The following FBN2 variants were observed in gnomAD, a reference collection of about 807,000 sequenced individuals.
FBN2 encodes fibrillin-2.
A neutral mutation model predicts 355.6 loss-of-function variants in FBN2; 105 were observed. The ratio of observed to expected loss-of-function variants is 0.30; its 90% CI spans 0.25 to 0.35. The LOEUF (loss-of-function observed/expected upper bound fraction) is 0.35, where lower values mean the gene tolerates loss of function less well. Ranked by LOEUF, FBN2 falls within the 10% of genes least tolerant of loss-of-function variation. The pLI is 1.00. For synonymous variants in FBN2, 1,350 were observed against 1,301.2 expected, an observed-to-expected ratio of 1.04 and a Z score of -0.81; for missense variants, 3,280 against 3,758.7, an observed-to-expected ratio of 0.87 and a Z score of 3.33.
At chr5:128,331,545 T>G (rs577646978) in intron 32 of FBN2, among the ~76,000 whole-genome samples, 2 of 152,298 alleles carry the variant, frequency 1.3e-5, no homozygotes, top group African/African-American at 4.8e-5. Context: ...CAATGGGTTA[T>G]AGTGAAGACT....
Position 128,312,212 on chromosome 5 carries a change from A to G in FBN2, c.4880-259T>C, listed in dbSNP as rs536637028. ...AAATTCCCTTGCAGCTCTTTTAGCT[A>G]GTAAATTAAGACTAGAGAAAACAGG... On this transcript the variant is annotated intron_variant, in intron 37 of 64. Coordinates refer to ENST00000262464, the MANE Select transcript of FBN2 (RefSeq NM_001999.4). Among the ~76,000 whole-genome samples, 3 of 152,334 alleles carry G rather than the reference A, an allele frequency of 2.0e-5. No homozygotes were observed. The East Asian group carries it at 5.8e-4, about 29-fold the overall frequency.
At chr5:128,426,453 T>G (rs1753485655) in intron 7 of FBN2, among the ~76,000 whole-genome samples, 1 of 152,160 alleles carries the variant, frequency 6.6e-6, no homozygotes, top group African/African-American at 2.4e-5. Flanking sequence ...ACTGAGAGAA[T>G]ATATGGTAAA....
rs565951202 is a variant in FBN2, at chr5:128,500,520, G to A, written c.628+18753C>T. ...TGCTGTGGCGCGATCTCGGCCCACT[G>A]CAAGCTCCGCCTCCCGGGTTCACGC... is the stretch of plus-strand genomic sequence containing the variant. On this transcript the variant is annotated intron_variant, in intron 5 of 64. Transcript: ENST00000262464. Among the ~76,000 whole-genome samples, 9 of 135,160 alleles carry A rather than the reference G, an allele frequency of 6.7e-5. No individual in the cohort carries two copies. In the South Asian group the frequency reaches 7.1e-4, roughly 11 times the overall value. The allele number at this position is 135,160 out of a possible 152,430, so 88.7% of individuals were successfully genotyped here.
At position 128,515,135 on chromosome 5, in the gene FBN2, G is replaced by C. The variant is rs181580583; in HGVS notation, c.628+4138C>G. Among the ~76,000 whole-genome samples the C allele has an allele frequency of 2.0e-5, 3 of 152,200 alleles. No individual in the cohort carries two copies. The East Asian group carries it at 5.8e-4, about 29-fold the overall frequency. On this transcript the variant is annotated intron_variant, in intron 5 of 64. Transcript: ENST00000262464. ...GGGTCTACATTATTCTCAGAATTCA[G>C]GAAAATCCAAATTTGTCCATCTTTA... is the stretch of plus-strand genomic sequence containing the variant.
chr5:128,283,506 T>C (rs1023332293), intron 55 of FBN2, among the ~76,000 whole-genome samples: 2 of 152,204 alleles, frequency 1.3e-5, no homozygotes, highest in African/African-American at 4.8e-5. Flanking sequence ...ACTTCCTATC[T>C]TGCTGGCTAC....
chr5:128,460,268 A>T (rs1400296548), intron 6 of FBN2, among the ~76,000 whole-genome samples: 1 of 152,184 alleles, frequency 6.6e-6, no homozygotes, highest in East Asian at 1.9e-4. Flanking sequence ...TGCTACAAAG[A>T]GAATAAAATA....
intron 62 of FBN2, among the ~76,000 whole-genome samples, chr5:128,264,721 T>C (rs1765075024): frequency 6.6e-6 from 1 of 152,196 alleles, no homozygotes; most frequent in African/African-American, 2.4e-5. Flanking sequence ...TCTGTTTACC[T>C]AATATGTGAC....
chr5:128,531,865 G>A (rs1262891180), intron 2 of FBN2, among the ~76,000 whole-genome samples: 7 of 151,588 alleles, frequency 4.6e-5, no homozygotes, highest in African/African-American at 1.7e-4. Flanking sequence ...TTAAAGCTTT[G>A]CAATAAGGAA....
chr5:128,481,055 C>A (rs960694395), intron 5 of FBN2, among the ~76,000 whole-genome samples: 3 of 152,148 alleles, frequency 2.0e-5, no homozygotes, highest in Admixed American at 6.5e-5. Context: ...TATTCAAGCT[C>A]CCTATTTCCC....
At position 128,361,706 on chromosome 5, in the gene FBN2, A is replaced by G. The variant is rs748294928; in HGVS notation, c.2554+17T>C. The G allele has an allele frequency of 7.4e-6, 12 of 1,613,998 alleles. No homozygotes were observed. The highest frequency in any genetic ancestry group is 1.6e-4 in the Middle Eastern group (1 of 6,084). ...GTACTCACTATGCACAAATAAGGCG[A>G]TGAAGACAGCTCTTACCTTCACAGG... On this transcript the variant is annotated intron_variant, in intron 19 of 64. Coordinates refer to ENST00000262464, the MANE Select transcript of FBN2 (RefSeq NM_001999.4).
At chr5:128,264,294 G>T (rs939772834) in intron 62 of FBN2, among the ~76,000 whole-genome samples, 8 of 151,424 alleles carry the variant, frequency 5.3e-5, no homozygotes, top group Non-Finnish European at 1.2e-4. Flanking sequence ...AACCCTAAAT[G>T]AAAACGATGG....
At chr5:128,422,734 C>G (rs897935472) in intron 7 of FBN2, among the ~76,000 whole-genome samples, 1 of 152,128 alleles carries the variant, frequency 6.6e-6, no homozygotes, top group Admixed American at 6.6e-5. Context: ...ATATCTTTTA[C>G]TCTTCTCAAG....
chr5:128,408,540 G>C, intron 8 of FBN2, 134 bp downstream of exon 8: 1 of 1,033,192 alleles, frequency 9.7e-7, no homozygotes, highest in Non-Finnish European at 1.5e-6. Context: ...CCTCAATACT[G>C]GTACCGTTTA....
chr5:128,437,835 CAGAA>C (rs1753814151), intron 7 of FBN2, among the ~76,000 whole-genome samples: 1 of 151,492 alleles, frequency 6.6e-6, no homozygotes, highest in African/African-American at 2.4e-5. Context: ...GACAGACAGA[CAGAA>C]AGACAGGAGA....
Position 128,494,025 on chromosome 5 carries a change from C to T in FBN2, c.628+25248G>A, listed in dbSNP as rs141191179. Among the ~76,000 whole-genome samples the T allele has an allele frequency of 2.0e-3, 297 of 152,122 alleles. 1 individual carries two copies. Among genetic ancestry groups the T allele is most frequent in the Middle Eastern group, 0.01 (3 of 294 alleles). ...TCTGCGAGACAGAGAGCTTTGTTTACGCAAGCAATAGCAAATATGGGTCTG... is the reference window on the plus strand; with the variant it reads ...TCTGCGAGACAGAGAGCTTTGTTTATGCAAGCAATAGCAAATATGGGTCTG... On this transcript the variant is annotated intron_variant, in intron 5 of 64. Coordinates refer to ENST00000262464, the MANE Select transcript of FBN2 (RefSeq NM_001999.4).
chr5:128,322,726 C>T (rs1183791768), intron 34 of FBN2, among the ~76,000 whole-genome samples: 1 of 152,064 alleles, frequency 6.6e-6, no homozygotes, highest in East Asian at 1.9e-4. Context: ...TGTGATGCCT[C>T]CAGCTTTGTT....
At position 128,537,532 on chromosome 5, in the gene FBN2, C is replaced by T. The variant is rs1181172610; in HGVS notation, c.72G>A (p.Gln24=). The T allele has an allele frequency of 1.3e-6, 2 of 1,587,976 alleles. No homozygotes were observed. The highest frequency in any genetic ancestry group is 2.3e-5 in the East Asian group (1 of 43,304). ...LWLGCVVLWA[Q]GTAGQPQPPP... ...GAGGCTGAGGCTGGCCGGCCGTGCCCTGCGCCCAGAGCACCACACAGCCCA... is the reference window on the plus strand; with the variant it reads ...GAGGCTGAGGCTGGCCGGCCGTGCCTTGCGCCCAGAGCACCACACAGCCCA... Residue 24 remains glutamine (Q), a synonymous_variant, in exon 1 of 65, where the codon CAG becomes CAA. Coordinates refer to ENST00000262464, the MANE Select transcript of FBN2 (RefSeq NM_001999.4).
intron 6 of FBN2, among the ~76,000 whole-genome samples, chr5:128,449,345 T>C (rs1353003144): frequency 3.9e-5 from 4 of 101,548 alleles, no homozygotes; most frequent in African/African-American, 9.9e-5. Flanking sequence ...TATAATTACA[T>C]AGTATACTAT....
At chr5:128,299,060 C>T (rs1749626272) in intron 48 of FBN2, among the ~76,000 whole-genome samples, 1 of 152,036 alleles carries the variant, frequency 6.6e-6, no homozygotes, top group Non-Finnish European at 1.5e-5. Context: ...CAGACAGGAC[C>T]CTCAGCTGCA....
Sources: allele counts gnomAD v4.1 joint callset (sites outside exome capture counted in the v4.1 genomes callset), GRCh38; gene constraint gnomAD v4.1.1; transcripts MANE v1.5; gene names NCBI Gene and HGNC (gene_info 2026-07-23, HGNC 2026-07-21).